TTLL5: variants seen among roughly 807,000 people sequenced by gnomAD.
TTLL5 encodes the protein tubulin polyglutamylase TTLL5.
In TTLL5, 132 loss-of-function variants were observed where a neutral mutation model predicts 168.4. The observed-to-expected ratio is 0.78, with a 90% CI of 0.68 to 0.91. TTLL5 has a LOEUF of 0.91. TTLL5 is among the 40% of genes least tolerant of loss of function. The pLI, the probability that TTLL5 is intolerant of heterozygous loss-of-function variation, is 0.00. For synonymous variants in TTLL5, 546 were observed against 558.6 expected, an observed-to-expected ratio of 0.98 and a Z score of 0.32; for missense variants, 1,545 against 1,581.5, an observed-to-expected ratio of 0.98 and a Z score of 0.39.
chr14:75,929,246 T>C (rs1447903717), intron 31 of TTLL5, among the ~76,000 whole-genome samples: 1 of 152,148 alleles, frequency 6.6e-6, no homozygotes, highest in Non-Finnish European at 1.5e-5. Flanking sequence ...TCATCTCAGC[T>C]TTGCTACCAT....
intron 6 of TTLL5, among the ~76,000 whole-genome samples, chr14:75,694,975 A>G (rs989890283): frequency 7.2e-5 from 11 of 152,242 alleles, no homozygotes; most frequent in African/African-American, 2.7e-4. Context: ...TTTAAACAAT[A>G]TGAAATCTGG....
chr14:75,853,910 G>A (rs572310613), intron 28 of TTLL5, among the ~76,000 whole-genome samples: 53 of 152,176 alleles, frequency 3.5e-4, no homozygotes, highest in Non-Finnish European at 7.4e-4. Flanking sequence ...TGGGCGTGGT[G>A]GCACACACTT....
At chr14:75,840,590 G>A (rs1896171225) in intron 28 of TTLL5, among the ~76,000 whole-genome samples, 2 of 152,106 alleles carry the variant, frequency 1.3e-5, no homozygotes, top group African/African-American at 4.8e-5. Context: ...AGGATGTTAG[G>A]AATACTAGGA....
chr14:75,887,651 C>T (rs1200070007), intron 30 of TTLL5, among the ~76,000 whole-genome samples: 6 of 152,144 alleles, frequency 3.9e-5, no homozygotes, highest in East Asian at 3.9e-4. Flanking sequence ...TTATATGACC[C>T]GCTGTGCTCA....
intron 8 of TTLL5, 42 bp from the exon 9 acceptor site, chr14:75,707,581 G>T: frequency 1.3e-6 from 2 of 1,566,150 alleles, no homozygotes; most frequent in South Asian, 1.1e-5. Flanking sequence ...GGAAACAAAT[G>T]AACTTAGTTT....
chr14:75,775,970 T>G (rs1891704954), intron 22 of TTLL5, among the ~76,000 whole-genome samples: 1 of 152,234 alleles, frequency 6.6e-6, no homozygotes, highest in Admixed American at 6.5e-5. Context: ...GGAGAACAAA[T>G]TTGAGCTGTG....
intron 12 of TTLL5, among the ~76,000 whole-genome samples, chr14:75,728,983 G>C (rs1888362326): frequency 6.6e-6 from 1 of 152,164 alleles, no homozygotes; most frequent in African/African-American, 2.4e-5. Flanking sequence ...TCAGTTATTA[G>C]AGAGGGAGCA....
intron 30 of TTLL5, among the ~76,000 whole-genome samples, chr14:75,892,340 C>T (rs1049053910): frequency 4.6e-5 from 7 of 152,150 alleles, no homozygotes; most frequent in Admixed American, 1.3e-4. Flanking sequence ...CCAAAATAAA[C>T]GAGAATCAAT....
chr14:75,760,177 G>A (rs933934194), intron 18 of TTLL5, among the ~76,000 whole-genome samples: 4 of 151,982 alleles, frequency 2.6e-5, no homozygotes, highest in Non-Finnish European at 5.9e-5. Context: ...TACTAAAATC[G>A]ATTGTATCTT....
intron 5 of TTLL5, among the ~76,000 whole-genome samples, chr14:75,686,343 C>T (rs1380903324): frequency 6.6e-6 from 1 of 152,104 alleles, no homozygotes; most frequent in South Asian, 2.1e-4. Flanking sequence ...TCTTCTATAT[C>T]CATCTCTCAA....
At chr14:75,796,349 T>C (rs1892996777) in intron 27 of TTLL5, among the ~76,000 whole-genome samples, 1 of 152,212 alleles carries the variant, frequency 6.6e-6, no homozygotes, top group Admixed American at 6.5e-5. Flanking sequence ...GCATAGTTTG[T>C]GAAGATTTTC....
rs771470144 is a variant in TTLL5 at position 75,783,266 on chromosome 14, C to G, written c.2722C>G (p.Leu908Val). 43 of 1,614,148 alleles carry G rather than the reference C, an allele frequency of 2.7e-5. 1 individual carries two copies. The Middle Eastern group carries it at 4.1e-3, about 155-fold the overall frequency. The change falls in exon 26 of 32, where the codon CTC (leucine) becomes GTC (valine). Residue 908 changes from leucine (L) to valine (V), a missense_variant. Transcript: ENST00000298832. The part of the protein sequence containing the change: ...THLSSVTTSD[L>V]SPGPCHHSSL... Reference sequence around the variant, plus strand: ...TTTGTCATCTGTTACAACCTCTGACCTCTCTCCAGGGCCTTGCCACCATTC... The same window carrying G: ...TTTGTCATCTGTTACAACCTCTGACGTCTCTCCAGGGCCTTGCCACCATTC...
At chr14:75,824,501 C>T (rs891956221) in intron 28 of TTLL5, among the ~76,000 whole-genome samples, 1 of 151,978 alleles carries the variant, frequency 6.6e-6, no homozygotes, top group Admixed American at 6.6e-5. Flanking sequence ...CAAATCCATT[C>T]ATACGAAACA....
At chr14:75,886,618 A>AT in intron 30 of TTLL5, 1 of 1,496,412 alleles carries the variant, frequency 6.7e-7, no homozygotes, top group Non-Finnish European at 9.0e-7. Context: ...AATGATTTAA[A>AT]ATTTTTTTTT....
intron 19 of TTLL5, 87 bp from the exon 20 acceptor site, chr14:75,765,975 C>T (rs1459918499): frequency 1.6e-6 from 2 of 1,250,770 alleles, no homozygotes; most frequent in Non-Finnish European, 2.2e-6. Context: ...TAGAAATGGG[C>T]TTTTACTAAA....
intron 5 of TTLL5, chr14:75,689,563 C>A (rs1454016410): frequency 6.6e-6 from 1 of 152,190 alleles, no homozygotes; most frequent in Non-Finnish European, 1.5e-5. Context: ...CAACTTTATT[C>A]ATAATCTCCA....
At chr14:75,719,193 TC>T (rs1284521131) in intron 10 of TTLL5, among the ~76,000 whole-genome samples, 3 of 152,090 alleles carry the variant, frequency 2.0e-5, no homozygotes, top group Non-Finnish European at 4.4e-5. Flanking sequence ...CAGTGTTACC[TC>T]AAAAAAATCA....
At chr14:75,834,320 A>G (rs1425870747) in intron 28 of TTLL5, among the ~76,000 whole-genome samples, 1 of 152,202 alleles carries the variant, frequency 6.6e-6, no homozygotes, top group East Asian at 1.9e-4. Flanking sequence ...GTGGTTGAGG[A>G]TAAAGTGGGA....
chr14:75,765,740 A>G (rs1469666762), intron 19 of TTLL5, among the ~76,000 whole-genome samples: 4 of 152,080 alleles, frequency 2.6e-5, no homozygotes, highest in Admixed American at 6.6e-5. Flanking sequence ...ACATGTGCCT[A>G]TAGTCCCAGC....
Sources: gnomAD v4.1 joint callset for allele counts (sites outside exome capture counted in the v4.1 genomes callset) on GRCh38, gnomAD v4.1.1 for gene constraint, MANE v1.5 for transcripts, NCBI Gene and HGNC (gene_info 2026-07-23, HGNC 2026-07-21) for gene names.